The following PEBP4 variants were observed in gnomAD, a reference collection of about 807,000 sequenced individuals.
PEBP4 encodes the protein phosphatidylethanolamine-binding protein 4.
In PEBP4, 22 loss-of-function variants were observed where a neutral mutation model predicts 23.9. That is an observed-to-expected ratio of 0.92 (90% confidence interval 0.66 to 1.31). The LOEUF is 1.31. Among genes scored for constraint, PEBP4 ranks in the 40% most tolerant of loss-of-function variants. The pLI, the probability that PEBP4 is intolerant of heterozygous loss-of-function variation, is 0.00. For missense variants in PEBP4, 324 were observed against 281.7 expected (o/e 1.15, Z -1.07); for synonymous variants, 112 against 99.3 (o/e 1.13, Z -0.76).
intron 4 of PEBP4, among the ~76,000 whole-genome samples, chr8:22,728,559 T>TCTTC (rs3029509): frequency 0.031 from 3,002 of 96,070 alleles, 65 homozygotes; most frequent in African/African-American, 0.04. Context: ...TTTCTTTCTT[T>TCTTC]CTTCCTTCCT....
intron 3 of PEBP4, among the ~76,000 whole-genome samples, chr8:22,881,855 T>C (rs1038594622): frequency 6.6e-6 from 1 of 152,192 alleles, no homozygotes; most frequent in Non-Finnish European, 1.5e-5. Flanking sequence ...TGACTTAACC[T>C]CTCCACACCT....
chr8:22,919,919 C>G (rs1031006910), intron 3 of PEBP4, among the ~76,000 whole-genome samples: 2 of 152,188 alleles, frequency 1.3e-5, no homozygotes, highest in African/African-American at 4.8e-5. Context: ...AAGGAGCTCC[C>G]AGAGCAGGGG....
chr8:22,877,702 AACC>A (rs1808152929), intron 3 of PEBP4, among the ~76,000 whole-genome samples: 1 of 151,834 alleles, frequency 6.6e-6, no homozygotes, highest in African/African-American at 2.4e-5. Context: ...CCACGGGGAC[AACC>A]ACACATGTGG....
chr8:22,822,540 CTTT>C lies in PEBP4; in HGVS notation c.259-4808_259-4806del, dbSNP rs564342705. 6.6e-5 allele frequency among the ~76,000 whole-genome samples: 10 copies of C among 152,094 alleles called. 1 individual carries two copies. In the South Asian group the frequency reaches 1.7e-3, roughly 25 times the overall value. On this transcript the variant is annotated intron_variant, in intron 3 of 6. Transcript: ENST00000256404. ...TCTCTTTTCCTTTCTTCTTCTTCTT[CTTT>C]TTATTTTTTTGCAAATGACATGATT... is the stretch of plus-strand genomic sequence containing the variant.
At chr8:22,763,624 G>A (rs1191966912) in intron 4 of PEBP4, among the ~76,000 whole-genome samples, 1 of 152,124 alleles carries the variant, frequency 6.6e-6, no homozygotes, top group East Asian at 1.9e-4. Flanking sequence ...GGTGTTGTGA[G>A]GATGAGGCTA....
intron 4 of PEBP4, among the ~76,000 whole-genome samples, chr8:22,732,247 A>G (rs994208047): frequency 6.6e-6 from 1 of 152,108 alleles, no homozygotes; most frequent in African/African-American, 2.4e-5. Flanking sequence ...TCTCCTAGCA[A>G]GGGAAGGGAG....
Position 22,906,382 on chromosome 8 carries a change from A to G in PEBP4, c.258+13802T>C, listed in dbSNP as rs538564629. 1.5e-4 allele frequency among the ~76,000 whole-genome samples: 23 copies of G among 152,292 alleles called. No individual in the cohort carries two copies. In the South Asian group the frequency reaches 4.4e-3, roughly 29 times the overall value. ...TGCAAGGGATTTGTGCATTCACCCC[A>G]CAGGTTTACTGAGCATCTACTATCT... On this transcript the variant is annotated intron_variant, in intron 3 of 6. Coordinates refer to ENST00000256404, the MANE Select transcript of PEBP4 (RefSeq NM_144962.3).
rs137966059 is a variant in PEBP4 at position 22,741,237 on chromosome 8, G to A, written c.358-14017C>T. On this transcript the variant is annotated intron_variant, in intron 4 of 6. Transcript: ENST00000256404. ...CAGCTGCCATCTCTGCTGAGCTGCC[G>A]TTCTCACGTGCCTTGGTCATGCCAA... 1.7e-4 allele frequency among the ~76,000 whole-genome samples: 26 copies of A among 152,294 alleles called. No individual in the cohort carries two copies. In the East Asian group the frequency reaches 4.3e-3, roughly 25 times the overall value.
chr8:22,728,380 T>G (rs1004165224), intron 4 of PEBP4, among the ~76,000 whole-genome samples: 20 of 152,216 alleles, frequency 1.3e-4, no homozygotes, highest in African/African-American at 4.3e-4. Flanking sequence ...GGCTGGTTCC[T>G]ATAGAGCTAG....
chr8:22,859,897 T>C (rs1490387632), intron 3 of PEBP4, among the ~76,000 whole-genome samples: 1 of 151,696 alleles, frequency 6.6e-6, no homozygotes, highest in Non-Finnish European at 1.5e-5. Context: ...GGCAGGAGGA[T>C]CACTTGAGCC....
chr8:22,933,150 C>A (rs563772488), intron 1 of PEBP4, among the ~76,000 whole-genome samples: 1 of 152,272 alleles, frequency 6.6e-6, no homozygotes, highest in Non-Finnish European at 1.5e-5. Flanking sequence ...CCATCATGTG[C>A]AATGCTCTAA....
chr8:22,918,716 G>C (rs1809132202), intron 3 of PEBP4, among the ~76,000 whole-genome samples: 2 of 152,256 alleles, frequency 1.3e-5, no homozygotes, highest in African/African-American at 4.8e-5. Flanking sequence ...TGAATGGATG[G>C]TGAAGCCGAG....
chr8:22,788,139 G>T (rs1312416756), intron 4 of PEBP4, among the ~76,000 whole-genome samples: 1 of 152,160 alleles, frequency 6.6e-6, no homozygotes, highest in Non-Finnish European at 1.5e-5. Context: ...CAGGTAGAGG[G>T]AGGGAACCTG....
intron 3 of PEBP4, among the ~76,000 whole-genome samples, chr8:22,858,854 G>A (rs1807709492): frequency 6.6e-6 from 1 of 152,204 alleles, no homozygotes; most frequent in Admixed American, 6.5e-5. Context: ...GGCTGAGGCA[G>A]GAGAATCGCT....
chr8:22,887,250 G>A (rs756934472), intron 3 of PEBP4: 1 of 152,006 alleles, frequency 6.6e-6, no homozygotes, highest in Non-Finnish European at 1.5e-5. Context: ...CTGGGTTCAA[G>A]CGATTCTCCT....
intron 3 of PEBP4, among the ~76,000 whole-genome samples, chr8:22,868,802 A>G (rs568870938): frequency 6.6e-6 from 1 of 152,186 alleles, no homozygotes; most frequent in East Asian, 1.9e-4. Context: ...GTCATCTCCT[A>G]CCTGGATTAT....
chr8:22,870,637 C>T (rs1235409420), intron 3 of PEBP4, among the ~76,000 whole-genome samples: 2 of 152,070 alleles, frequency 1.3e-5, no homozygotes, highest in East Asian at 1.9e-4. Flanking sequence ...ACAAATGCAC[C>T]CCTCTGGTGG....
chr8:22,728,987 C>T (rs1804679695), intron 4 of PEBP4, among the ~76,000 whole-genome samples: 1 of 152,184 alleles, frequency 6.6e-6, no homozygotes, highest in African/African-American at 2.4e-5. Context: ...CATCAGGTCC[C>T]ACCCATATGG....
At chr8:22,828,567 G>A (rs925393854) in intron 3 of PEBP4, among the ~76,000 whole-genome samples, 1 of 152,056 alleles carries the variant, frequency 6.6e-6, no homozygotes, top group African/African-American at 2.4e-5. Flanking sequence ...CTTGTGGTAT[G>A]TGTTCTCTCA....
Sources: gnomAD v4.1 joint callset for allele counts (sites outside exome capture counted in the v4.1 genomes callset) on GRCh38, gnomAD v4.1.1 for gene constraint, MANE v1.5 for transcripts, NCBI Gene and HGNC (gene_info 2026-07-23, HGNC 2026-07-21) for gene names.